Variants in C3 observed in about 807,000 individuals in gnomAD.
C3 encodes complement C3.
In C3, 97 loss-of-function variants were observed where a neutral mutation model predicts 207.9. The ratio of observed to expected loss-of-function variants is 0.47; its 90% CI spans 0.40 to 0.55. The LOEUF (loss-of-function observed/expected upper bound fraction) is 0.55, where lower values mean the gene tolerates loss of function less well. C3 is among the 20% of genes least tolerant of loss of function. The probability of loss-of-function intolerance (pLI) is 0.00; values close to 1 mark genes in which losing one functional copy is unlikely to be tolerated. For synonymous variants in C3, 848 were observed against 857.6 expected (o/e 0.99, Z 0.20); for missense variants, 1,684 against 2,171.7 (o/e 0.78, Z 4.46).
At chr19:6,715,010 G>A (rs1968003012) in intron 4 of C3, among the ~76,000 whole-genome samples, 2 of 152,196 alleles carry the variant, frequency 1.3e-5, no homozygotes, top group Admixed American at 1.3e-4. Context: ...GGCACCTACT[G>A]TGTTGGCTTG....
At chr19:6,693,223 T>C in intron 25 of C3, 140 bp from the exon 26 acceptor site, 1 of 1,143,614 alleles carries the variant, frequency 8.7e-7, no homozygotes, top group Non-Finnish European at 1.3e-6. Flanking sequence ...GACCCAGCTG[T>C]TGTATGCGGT....
Position 6,677,758 on chromosome 19 carries a change from A to G in C3, c.*124T>C. 8.2e-7 allele frequency: 1 copy of G among 1,216,980 alleles called. No individual in the cohort carries two copies. The allele number at this position is 1,216,980 out of a possible 1,614,324, so 75.4% of individuals were successfully genotyped here. A position where few individuals can be genotyped will look rare whatever the true frequency, so the allele number is the denominator to read the frequency against. The stretch of plus-strand genomic sequence containing the variant: ...TGCGGTGGGAACAGGTGAGGTTTCA[A>G]GTAGGATGGAGCTGAGCTGCAGGTG... On this transcript the variant is annotated 3_prime_UTR_variant, in exon 41 of 41. Transcript: ENST00000245907.
intron 38 of C3, among the ~76,000 whole-genome samples, chr19:6,678,796 C>A (rs1336264008): frequency 6.6e-6 from 1 of 152,104 alleles, no homozygotes; most frequent in Admixed American, 6.5e-5. Context: ...AAACTACAGT[C>A]ATATACGTAA....
intron 33 of C3, chr19:6,683,057 A>C (rs941356178): frequency 2.0e-5 from 3 of 152,260 alleles, no homozygotes; most frequent in Non-Finnish European, 4.4e-5. Context: ...AGCATAAATA[A>C]GGAAGGTCAT....
chr19:6,689,385 C>G (rs1283207434), intron 27 of C3, among the ~76,000 whole-genome samples: 1 of 137,360 alleles, frequency 7.3e-6, no homozygotes, highest in Non-Finnish European at 1.5e-5. Context: ...CTCTCTCTCT[C>G]TCTGCCTTGG....
intron 26 of C3, 82 bp from the exon 27 acceptor site, chr19:6,690,809 CAG>C: frequency 5.4e-6 from 6 of 1,104,706 alleles, no homozygotes; most frequent in Admixed American, 1.9e-5. Context: ...GATTCAGAAT[CAG>C]GGGGTCTGGG....
At chr19:6,714,525 C>T (rs1281410404) in intron 4 of C3, 79 bp from the exon 5 acceptor site, 2 of 984,248 alleles carry the variant, frequency 2.0e-6, no homozygotes, top group African/African-American at 3.2e-5. Flanking sequence ...TCTCCCCGAC[C>T]TGTGTCTGGA....
At position 6,710,683 on chromosome 19, in the gene C3, C is replaced by G; in HGVS notation, c.1642G>C (p.Ala548Pro). ...IGASGQREVVADSVWVDVKDS... is the reference protein window; with the variant it reads ...IGASGQREVVPDSVWVDVKDS... Reference sequence around the variant, plus strand: ...TTGACGTCCACCCACACGGAGTCGGCCACCACCTCCCTCTGGCCGCTGGCA... The same window carrying G: ...TTGACGTCCACCCACACGGAGTCGGGCACCACCTCCCTCTGGCCGCTGGCA... The change falls in exon 13 of 41, where the codon GCC (alanine) becomes CCC (proline). Residue 548 changes from alanine to proline, a missense_variant. This residue lies in a region of C3 where 1,280 missense variants were observed against 1,739.1 expected (regional missense o/e 0.74). Coordinates refer to ENST00000245907, the MANE Select transcript of C3 (RefSeq NM_000064.4). The G allele has an allele frequency of 6.2e-7, 1 of 1,613,440 alleles. No homozygotes were observed. Among genetic ancestry groups the G allele is most frequent in the Non-Finnish European group, 8.5e-7 (1 of 1,179,910 alleles).
chr19:6,717,664 T>C, intron 4 of C3: 1 of 327,342 alleles, frequency 3.1e-6, no homozygotes, highest in Non-Finnish European at 5.9e-6. Flanking sequence ...TGTGGTTATG[T>C]ATGTTGTGTT....
At position 6,719,255 on chromosome 19, in the gene C3, C is replaced by T; in HGVS notation, c.223G>A (p.Val75Met). Residue 75 changes from valine (V) to methionine (M), a missense_variant, in exon 2 of 41, where the codon GTG becomes ATG. Physicochemically the swap from Val to Met is conservative, Grantham distance 21. Transcript: ENST00000245907. This position sits in a 1 kb window ranked among gnomAD's most constrained non-coding sequence, Gnocchi z 5.4. ...ATGTGGTTGGTGGCAGGGGTCAGCA[C>T]AGTCTTCTCACTGGACAGCACTAGT... ...KKLVLSSEKTVLTPATNHMGN... is the reference protein window; with the variant it reads ...KKLVLSSEKTMLTPATNHMGN... 6.2e-7 allele frequency: 1 copy of T among 1,614,018 alleles called. No homozygotes were observed.
In C3 at chr19:6,686,215, A is replaced by G; in HGVS notation, c.3719T>C (p.Leu1240Pro). The G allele has an allele frequency of 6.2e-7, 1 of 1,614,186 alleles. No homozygotes were observed. The highest frequency in any genetic ancestry group is 8.5e-7 in the Non-Finnish European group (1 of 1,180,016). ...AAAGTCAAAGTCTTTTAGCTGCAGT[A>G]GGGCCAAGAGGGCATAGGATGTGGC... ...VEATSYALLA[L>P]LQLKDFDFVP... Residue 1240 changes from leucine to proline, a missense_variant, in exon 29 of 41, where the codon CTA becomes CCA. Physicochemically the swap from Leu to Pro is moderately conservative, Grantham distance 98 (BLOSUM62 -3). Around this residue, in one of 3 missense-constraint regions of C3, gnomAD observed 1,280 missense variants for 1,739.1 expected, o/e 0.74. Transcript: ENST00000245907.
chr19:6,718,215 G>A, intron 3 of C3, 32 bp downstream of exon 3: 2 of 1,614,068 alleles, frequency 1.2e-6, no homozygotes, highest in African/African-American at 2.7e-5. Context: ...CCACGCCGGT[G>A]CCCCGCCCTC....
At chr19:6,708,024 C>T in intron 14 of C3, 95 bp from the exon 15 acceptor site, 1 of 1,407,388 alleles carries the variant, frequency 7.1e-7, no homozygotes, top group South Asian at 1.2e-5. Context: ...CCAAATGACC[C>T]CACCCTGTCC....
intron 21 of C3, among the ~76,000 whole-genome samples, chr19:6,697,128 T>C (rs575959552): frequency 2.0e-5 from 3 of 151,554 alleles, no homozygotes; most frequent in African/African-American, 7.3e-5. Flanking sequence ...GTCGACGAGG[T>C]TTTTGGCACC....
chr19:6,691,819 T>C (rs1918174047), intron 26 of C3, among the ~76,000 whole-genome samples: 1 of 152,080 alleles, frequency 6.6e-6, no homozygotes, highest in Non-Finnish European at 1.5e-5. Context: ...ACCCCGTCTC[T>C]ACTAAAAATA....
chr19:6,680,965 G>T (rs951400440), intron 35 of C3, among the ~76,000 whole-genome samples: 1 of 152,156 alleles, frequency 6.6e-6, no homozygotes, highest in African/African-American at 2.4e-5. Context: ...TTGGGAGGCT[G>T]AGGCAGGAAG....
intron 7 of C3, 29 bp from the exon 8 acceptor site, chr19:6,713,538 T>G: frequency 1.3e-6 from 2 of 1,532,112 alleles, no homozygotes; most frequent in Non-Finnish European, 1.8e-6. Context: ...GGGCTTCAGG[T>G]CCATCCCTCC....
chr19:6,713,373 G>T (rs1228919801), intron 8 of C3, 34 bp downstream of exon 8: 1 of 1,613,656 alleles, frequency 6.2e-7, no homozygotes, highest in African/African-American at 1.3e-5. Flanking sequence ...GCGGGGACTG[G>T]GGCAGGGATC....
chr19:6,681,087 C>T (rs969025982), intron 35 of C3, among the ~76,000 whole-genome samples: 4 of 152,004 alleles, frequency 2.6e-5, no homozygotes, highest in African/African-American at 4.8e-5. Context: ...TATGAAGAAA[C>T]AAGAACAAAA....
Sources: allele counts gnomAD v4.1 joint callset (sites outside exome capture counted in the v4.1 genomes callset), GRCh38; gene constraint gnomAD v4.1.1; regional missense constraint gnomAD v4.1.1; non-coding constraint Gnocchi (gnomAD v3.1); transcripts MANE v1.5; gene names NCBI Gene and HGNC (gene_info 2026-07-23, HGNC 2026-07-21).